ANKS6: variants seen among roughly 807,000 people sequenced by gnomAD.
The protein encoded by ANKS6 is ankyrin repeat and SAM domain-containing protein 6.
A neutral mutation model predicts 77.9 loss-of-function variants in ANKS6; 47 were observed. That is an observed-to-expected ratio of 0.60 (90% CI 0.48 to 0.77). ANKS6 has a LOEUF of 0.77. Among genes scored for constraint, ANKS6 ranks in the 30% least tolerant of loss-of-function variants. The pLI, the probability that ANKS6 is intolerant of heterozygous loss-of-function variation, is 0.00. For synonymous variants in ANKS6, 488 were observed against 501.7 expected (o/e 0.97, Z 0.37); for missense variants, 1,150 against 1,159.1 (o/e 0.99, Z 0.11).
intron 5 of ANKS6, among the ~76,000 whole-genome samples, chr9:98,781,165 G>T (rs1398073506): frequency 6.6e-6 from 1 of 152,212 alleles, no homozygotes; most frequent in Non-Finnish European, 1.5e-5. Flanking sequence ...CTCCCAAAGT[G>T]CTGGGATTAT....
At chr9:98,766,713 G>A (rs912144372) in intron 11 of ANKS6, among the ~76,000 whole-genome samples, 1 of 152,180 alleles carries the variant, frequency 6.6e-6, no homozygotes, top group Admixed American at 6.5e-5. Context: ...ATTGCACAAG[G>A]GATCTTGAGT....
chr9:98,739,182 G>A (rs1831673435), intron 14 of ANKS6, among the ~76,000 whole-genome samples: 2 of 152,078 alleles, frequency 1.3e-5, no homozygotes. Context: ...ATACTGCTTG[G>A]GTAATGGGTG....
At chr9:98,772,411 G>C (rs1202489874) in intron 9 of ANKS6, among the ~76,000 whole-genome samples, 1 of 152,344 alleles carries the variant, frequency 6.6e-6, no homozygotes, top group East Asian at 1.9e-4. Flanking sequence ...GGGCCCTGCT[G>C]ACACCTTGAT....
chr9:98,762,991 CA>C (rs1833094782), intron 11 of ANKS6, among the ~76,000 whole-genome samples: 1 of 151,918 alleles, frequency 6.6e-6, no homozygotes, highest in African/African-American at 2.4e-5. Flanking sequence ...AGGCAAAAAC[CA>C]ACAGAACTGA....
chr9:98,760,453 A>G (rs369647834), intron 11 of ANKS6, among the ~76,000 whole-genome samples: 156 of 152,252 alleles, frequency 1.0e-3, no homozygotes, highest in Middle Eastern at 6.8e-3. Flanking sequence ...ACTGGTTGCC[A>G]TCCTGGAGCT....
chr9:98,756,046 T>C (rs981035528), intron 12 of ANKS6, among the ~76,000 whole-genome samples: 6 of 152,154 alleles, frequency 3.9e-5, no homozygotes, highest in Non-Finnish European at 8.8e-5. Flanking sequence ...CAATGAAATG[T>C]CAGGTTTCAT....
At chr9:98,751,234 C>T (rs1832414405) in intron 12 of ANKS6, 138 bp from the exon 13 acceptor site, 1 of 720,250 alleles carries the variant, frequency 1.4e-6, no homozygotes, top group Non-Finnish European at 2.2e-6. Context: ...CTGATCTCAG[C>T]TGGACTCCTG....
intron 5 of ANKS6, 56 bp downstream of exon 5, chr9:98,782,411 C>T: frequency 6.7e-7 from 1 of 1,493,082 alleles, no homozygotes; most frequent in Admixed American, 1.7e-5. Flanking sequence ...CCTGTCTTGA[C>T]TCCCAGTCCA....
chr9:98,732,615 C>T lies in ANKS6; in HGVS notation c.*3904G>A. 33 of 1,549,386 alleles carry T rather than the reference C, an allele frequency of 2.1e-5. No individual in the cohort carries two copies. Among genetic ancestry groups the T allele is most frequent in the Non-Finnish European group, 2.9e-5 (33 of 1,146,672 alleles). ...GAGAGATGAAAGGATTTAAAATGGG[C>T]AACCATCTTTGAGGTTTCCCACATC... On this transcript the variant is annotated 3_prime_UTR_variant, in exon 15 of 15. Coordinates refer to ENST00000353234, the MANE Select transcript of ANKS6 (RefSeq NM_173551.5).
chr9:98,775,586 G>A (rs1254297764), intron 8 of ANKS6, among the ~76,000 whole-genome samples: 1 of 152,186 alleles, frequency 6.6e-6, no homozygotes, highest in Non-Finnish European at 1.5e-5. Flanking sequence ...AAAGTGCGAT[G>A]AATAGTAGCT....
At chr9:98,787,370 C>T (rs1834629452) in intron 2 of ANKS6, among the ~76,000 whole-genome samples, 1 of 140,178 alleles carries the variant, frequency 7.1e-6, no homozygotes, top group Non-Finnish European at 1.6e-5. Context: ...CTTTACACTG[C>T]CCTTTTTTTT....
Position 98,783,974 on chromosome 9 carries a change from A to T in ANKS6, c.1091T>A (p.Leu364His). 1.9e-6 allele frequency: 3 copies of T among 1,600,056 alleles called. No individual in the cohort carries two copies. The highest frequency in any genetic ancestry group is 3.4e-5 in the Admixed American group (2 of 58,970). The change falls in exon 4 of 15, where the codon CTC becomes CAC. Residue 364 changes from leucine (L) to histidine (H), a missense_variant. By Grantham distance (99) the Leu-to-His change is moderately conservative. Transcript: ENST00000353234. ...TGACCCATGGTAGGTTGCCTGCATG[A>T]GGGCCGTCCAGCCATGCACGCTGTC... Reference protein sequence around the residue: ...KQDSVHGWTALMQATYHGNKE... With the variant: ...KQDSVHGWTAHMQATYHGNKE...
chr9:98,781,478 T>G (rs555979803), intron 5 of ANKS6, among the ~76,000 whole-genome samples: 1 of 151,850 alleles, frequency 6.6e-6, no homozygotes, highest in African/African-American at 2.4e-5. Context: ...TGAGGTGGAG[T>G]AGGATCACTG....
chr9:98,755,751 C>G (rs1588348691), intron 12 of ANKS6, among the ~76,000 whole-genome samples: 1 of 152,242 alleles, frequency 6.6e-6, no homozygotes, highest in Admixed American at 6.5e-5. Flanking sequence ...TGGCCAATCA[C>G]CACATTCCAC....
At chr9:98,786,975 C>T (rs1211234583) in intron 2 of ANKS6, among the ~76,000 whole-genome samples, 2 of 152,172 alleles carry the variant, frequency 1.3e-5, no homozygotes, top group Non-Finnish European at 2.9e-5. Context: ...GACCCTGCCC[C>T]AACCCAAGGA....
In ANKS6 at chr9:98,770,963, AG is replaced by A; in HGVS notation, c.1904del (p.Pro635LeufsTer10). On this transcript the variant is annotated frameshift_variant, in exon 10 of 15. Coordinates refer to ENST00000353234, the MANE Select transcript of ANKS6 (RefSeq NM_173551.5). LOFTEE classifies it high-confidence loss of function. Reference protein sequence around the residue: ...SANSGNFNHSPHSSGGSSGVG... With the variant: ...SANSGNFNHSXHSSGGSSGVG... ...CCCCACTGGAGCCGCCCGATGAATGAGGCGAGTGGTTGAAGTTTCCAGAATT... is the reference window on the plus strand; with the variant it reads ...CCCCACTGGAGCCGCCCGATGAATGAGCGAGTGGTTGAAGTTTCCAGAATT... The A allele has an allele frequency of 6.3e-7, 1 of 1,597,440 alleles. No homozygotes were observed. The highest frequency in any genetic ancestry group is 1.3e-5 in the African/African-American group (1 of 74,436).
rs1181066040 is a variant in ANKS6 at position 98,777,278 on chromosome 9, C to T, written c.1617+127G>A. 6.9e-6 allele frequency: 7 copies of T among 1,010,662 alleles called. No homozygotes were observed. In the South Asian group the frequency reaches 8.8e-5, roughly 13 times the overall value. The allele number at this position is 1,010,662 out of a possible 1,614,324, so 62.6% of individuals were successfully genotyped here. ...TGCCAGAGCTAAGCCCACTGTTACA[C>T]ATTCTCATCACCAACCCTATCTGTG... On this transcript the variant is annotated intron_variant, in intron 8 of 14. Coordinates refer to ENST00000353234, the MANE Select transcript of ANKS6 (RefSeq NM_173551.5).
chr9:98,741,654 G>T lies in ANKS6; in HGVS notation c.2511+3905C>A, dbSNP rs193048592. ...AGGACCAACTAACTCCTCATTTCTG[G>T]TAAACCTCCAATATATAACTCATCC... On this transcript the variant is annotated intron_variant, in intron 14 of 14. Coordinates refer to ENST00000353234, the MANE Select transcript of ANKS6 (RefSeq NM_173551.5). Among the ~76,000 whole-genome samples, 4 of 152,314 alleles carry T rather than the reference G, an allele frequency of 2.6e-5. No individual in the cohort carries two copies. The East Asian group carries it at 7.7e-4, about 29-fold the overall frequency.
rs896072828 is a variant in ANKS6, at chr9:98,734,043, G to A, written c.*2476C>T. ...ACCCAACTGACCCCTCCTCCCTGAC[G>A]ATCTATAACCTACATGTTCCGTGCT... On this transcript the variant is annotated 3_prime_UTR_variant, in exon 15 of 15. Transcript: ENST00000353234. 9 of 985,338 alleles carry A rather than the reference G, an allele frequency of 9.1e-6. No individual in the cohort carries two copies. The highest frequency in any genetic ancestry group is 1.2e-4 in the Admixed American group (2 of 16,274). The allele number at this position is 985,338 out of a possible 1,614,324, so 61.0% of individuals were successfully genotyped here.
Sources: gnomAD v4.1 joint callset for allele counts (sites outside exome capture counted in the v4.1 genomes callset) on GRCh38, gnomAD v4.1.1 for gene constraint, MANE v1.5 for transcripts, NCBI Gene and HGNC (gene_info 2026-07-23, HGNC 2026-07-21) for gene names.